EDIL3: variants seen among roughly 807,000 people sequenced by gnomAD.
EDIL3 encodes the protein EGF like and discoidin domains 3.
EDIL3 carries 37 observed loss-of-function variants against 67.4 expected under a neutral mutation model. The observed-to-expected ratio is 0.55, with a 90% CI of 0.42 to 0.72. The LOEUF (loss-of-function observed/expected upper bound fraction) is 0.72. EDIL3 is among the 30% of genes least tolerant of loss of function. EDIL3 has a pLI of 0.00. For synonymous variants in EDIL3, 195 were observed against 196.3 expected, an observed-to-expected ratio of 0.99 and a Z score of 0.05; for missense variants, 527 against 586.3, an observed-to-expected ratio of 0.90 and a Z score of 1.04.
intron 4 of EDIL3, among the ~76,000 whole-genome samples, chr5:84,150,307 A>C (rs1748366764): frequency 6.6e-6 from 1 of 152,178 alleles, no homozygotes; most frequent in African/African-American, 2.4e-5. Context: ...TATCAAATCC[A>C]TAAACTCCTG....
chr5:84,153,121 T>A (rs755400876), intron 4 of EDIL3, among the ~76,000 whole-genome samples: 5 of 152,160 alleles, frequency 3.3e-5, no homozygotes, highest in Non-Finnish European at 5.9e-5. Flanking sequence ...ACATTTCTCA[T>A]TATACAAACG....
chr5:84,055,615 A>C (rs1341124886), intron 9 of EDIL3, among the ~76,000 whole-genome samples: 2 of 152,096 alleles, frequency 1.3e-5, no homozygotes, highest in South Asian at 4.2e-4. Context: ...TTTACAAGAA[A>C]AAAACAAACA....
chr5:84,120,340 A>G (rs1207554439), intron 5 of EDIL3, among the ~76,000 whole-genome samples: 1 of 152,038 alleles, frequency 6.6e-6, no homozygotes, highest in Non-Finnish European at 1.5e-5. Flanking sequence ...ATATATTTGC[A>G]TCTTCCTTCT....
intron 1 of EDIL3, among the ~76,000 whole-genome samples, chr5:84,290,051 C>A (rs1745882225): frequency 6.6e-6 from 1 of 152,130 alleles, no homozygotes. Context: ...GATCCTCCTT[C>A]AGGAACAAAA....
rs193033311 is a variant in EDIL3, at chr5:84,276,810, G to A, written c.68-22598C>T. ...GCTGGTCTCAAACTCCTGACCTCGC[G>A]ATCCACCCGCCTAGGCCTCCCAAAG... On this transcript the variant is annotated intron_variant, in intron 1 of 10. Transcript: ENST00000296591. Among the ~76,000 whole-genome samples the A allele has an allele frequency of 6.6e-5, 10 of 151,984 alleles. No homozygotes were observed. The East Asian group carries it at 9.7e-4, about 15-fold the overall frequency.
At chr5:84,327,674 T>C (rs1267389017) in intron 1 of EDIL3, among the ~76,000 whole-genome samples, 2 of 152,028 alleles carry the variant, frequency 1.3e-5, no homozygotes, top group African/African-American at 2.4e-5. Context: ...AGTTTGGTAT[T>C]TACATCAGTT....
chr5:84,377,237 C>T (rs1479991128), intron 1 of EDIL3, among the ~76,000 whole-genome samples: 3 of 149,408 alleles, frequency 2.0e-5, no homozygotes, highest in East Asian at 4.0e-4. Flanking sequence ...GGTGTGAACC[C>T]GGGAGGCGGA....
intron 1 of EDIL3, among the ~76,000 whole-genome samples, chr5:84,307,409 C>G (rs1746294247): frequency 6.6e-6 from 1 of 151,892 alleles, no homozygotes; most frequent in Non-Finnish European, 1.5e-5. Flanking sequence ...AATAAAGAGG[C>G]CCAACAGAAA....
At chr5:84,061,007 T>TTA (rs1746533008) in intron 8 of EDIL3, among the ~76,000 whole-genome samples, 6 of 152,168 alleles carry the variant, frequency 3.9e-5, no homozygotes, top group Admixed American at 2.6e-4. Context: ...AAGAAATATG[T>TTA]TAATCTTCAT....
At position 84,329,443 on chromosome 5, in the gene EDIL3, T is replaced by C. The variant is rs748853535; in HGVS notation, c.67+54865A>G. 2.6e-5 allele frequency among the ~76,000 whole-genome samples: 4 copies of C among 152,132 alleles called. No homozygotes were observed. In the South Asian group the frequency reaches 8.3e-4, roughly 31 times the overall value. On this transcript the variant is annotated intron_variant, in intron 1 of 10. Transcript: ENST00000296591. ...GATGCCTTGCTATGAAGAATAAATGTGTTCCTATTACACAGTGCTTGTTAT... is the reference window on the plus strand; with the variant it reads ...GATGCCTTGCTATGAAGAATAAATGCGTTCCTATTACACAGTGCTTGTTAT...
chr5:84,192,464 C>A (rs1022000110), intron 3 of EDIL3, among the ~76,000 whole-genome samples: 1 of 151,946 alleles, frequency 6.6e-6, no homozygotes, highest in East Asian at 1.9e-4. Context: ...GACTCTGCAG[C>A]CTTAAATGCC....
intron 4 of EDIL3, among the ~76,000 whole-genome samples, chr5:84,153,080 T>C (rs567716666): frequency 3.9e-5 from 6 of 152,204 alleles, no homozygotes; most frequent in Admixed American, 2.6e-4. Context: ...GCCCATGGCT[T>C]TTATTTTATT....
At chr5:84,036,052 A>T (rs918806234) in intron 9 of EDIL3, among the ~76,000 whole-genome samples, 1 of 152,204 alleles carries the variant, frequency 6.6e-6, no homozygotes, top group African/African-American at 2.4e-5. Context: ...CAAACGTGCA[A>T]GTTTGGTTAA....
At chr5:84,175,063 G>C (rs192236913) in intron 4 of EDIL3, among the ~76,000 whole-genome samples, 13 of 152,256 alleles carry the variant, frequency 8.5e-5, no homozygotes, top group African/African-American at 3.1e-4. Context: ...TCTGTAGGCG[G>C]TGGCAGTTCT....
rs551796144 is a variant in EDIL3 at position 84,063,476 on chromosome 5, C to T, written c.952+1224G>A. On this transcript the variant is annotated intron_variant, in intron 8 of 10. Coordinates refer to ENST00000296591, the MANE Select transcript of EDIL3 (RefSeq NM_005711.5). ...CAAATGTTGGTTGCTTCAAAAAATACACCAACATAGAATATGAAAATGTGA... is the reference window on the plus strand; with the variant it reads ...CAAATGTTGGTTGCTTCAAAAAATATACCAACATAGAATATGAAAATGTGA... Among the ~76,000 whole-genome samples the T allele has an allele frequency of 1.2e-4, 19 of 152,216 alleles. No homozygotes were observed. In the South Asian group the frequency reaches 2.5e-3, roughly 20 times the overall value.
At chr5:84,185,261 T>A in intron 3 of EDIL3, among the ~76,000 whole-genome samples, 1 of 152,180 alleles carries the variant, frequency 6.6e-6, no homozygotes, top group East Asian at 1.9e-4. Context: ...GGAATCAGCA[T>A]GAATTCACTA....
chr5:84,192,365 T>G (rs569094225), intron 3 of EDIL3, among the ~76,000 whole-genome samples: 8 of 152,090 alleles, frequency 5.3e-5, no homozygotes, highest in African/African-American at 1.9e-4. Context: ...ACCTCCCCTG[T>G]TCATGATAAT....
intron 9 of EDIL3, among the ~76,000 whole-genome samples, chr5:83,988,062 T>A (rs1286208682): frequency 6.6e-6 from 1 of 152,078 alleles, no homozygotes; most frequent in African/African-American, 2.4e-5. Context: ...TGTACTTGCC[T>A]TTTCCCATTG....
At chr5:84,338,756 GA>G (rs1747038441) in intron 1 of EDIL3, among the ~76,000 whole-genome samples, 1 of 152,112 alleles carries the variant, frequency 6.6e-6, no homozygotes, top group East Asian at 1.9e-4. Context: ...CTTTTACTAG[GA>G]AAAGAAATTA....
Sources: allele counts gnomAD v4.1 joint callset (sites outside exome capture counted in the v4.1 genomes callset), GRCh38; gene constraint gnomAD v4.1.1; transcripts MANE v1.5; gene names NCBI Gene and HGNC (gene_info 2026-07-23, HGNC 2026-07-21).